The following MAGIX variants were observed in gnomAD, a reference collection of about 807,000 sequenced individuals.
MAGIX encodes the protein PDZ domain-containing protein MAGIX.
Under a neutral mutation model 10.0 loss-of-function variants are expected in MAGIX, and 13 were observed. That is an observed-to-expected ratio of 1.30 (90% CI 0.84 to 2.06). The LOEUF is 2.06. MAGIX is among the 30% of genes most tolerant of loss of function. The pLI is 0.00. For missense variants in MAGIX, 235 were observed against 245.2 expected (o/e 0.96, Z 0.28); for synonymous variants, 108 against 106.8 (o/e 1.01, Z -0.07).
chrX:49,163,870 T>C, exon 2 of MAGIX: 1 of 1,039,192 alleles, frequency 9.6e-7, no homozygotes, highest in Non-Finnish European at 1.2e-6. Flanking sequence ...CGAGCTGCGG[T>C]CGACGTGGCA....
exon 3 of MAGIX, chrX:49,165,057 G>T (rs2065356708): frequency 2.5e-6 from 3 of 1,209,236 alleles, no homozygotes; most frequent in Middle Eastern, 2.3e-4. Context: ...GGCTGCTGAA[G>T]GATGGCCCAG....
Position 49,164,715 on chromosome X carries a change from G to A in MAGIX, c.-46G>A, listed in dbSNP as rs367998662. ...CTGCTTTTATCTCCCAGCTGTTAGC[G>A]TGCTGGACTCTGCGGACATAGAGGT... On this transcript the variant is annotated 5_prime_UTR_variant, in exon 3 of 5. Transcript: ENST00000616266. 70 of 1,208,430 alleles carry A rather than the reference G, an allele frequency of 5.8e-5. No homozygotes were observed. In the Admixed American group the frequency reaches 6.8e-4, roughly 12 times the overall value.
chrX:49,164,897 A>T (rs781909067), exon 3 of MAGIX: 1 of 1,211,710 alleles, frequency 8.3e-7, no homozygotes. Context: ...GCACCTCCCC[A>T]ATTGATCCAG....
At chrX:49,165,630 G>A (rs1230663382) in intron 4 of MAGIX, 2 of 356,425 alleles carry the variant, frequency 5.6e-6, no homozygotes, top group South Asian at 1.3e-4. Context: ...AAGGGAAGGG[G>A]TCTAGGATAA....
chrX:49,166,532 T>G (rs1480983012), exon 5 of MAGIX: 11 of 511,182 alleles, frequency 2.2e-5, no homozygotes, highest in Non-Finnish European at 3.4e-5. Flanking sequence ...TCAGTGGCTC[T>G]GACCACACTC....
exon 4 of MAGIX, chrX:49,165,358 G>A: frequency 8.6e-7 from 1 of 1,159,716 alleles, no homozygotes; most frequent in Non-Finnish European, 1.2e-6. Context: ...CCGAAAAGGA[G>A]TTGGTGGGTT....
chrX:49,163,739 C>T (rs1269939777), intron 1 of MAGIX, 44 bp from the exon 2 acceptor site: 2 of 997,569 alleles, frequency 2.0e-6, no homozygotes, highest in Non-Finnish European at 1.3e-6. Context: ...TAGGGGTTGG[C>T]CGAGGCCGAG....
chrX:49,168,035 T>G (rs1425455586), exon 5 of MAGIX: 1 of 111,738 alleles, frequency 8.9e-6, no homozygotes, highest in African/African-American at 3.3e-5. Flanking sequence ...TGACAAGTAT[T>G]AATTGAACCC....
downstream of MAGIX, among the ~76,000 whole-genome samples, chrX:49,168,774 CAAAAAAAAAAAAAAA>C (rs35343968): frequency 5.9e-5 from 1 of 16,897 alleles, no homozygotes; most frequent in African/African-American, 2.3e-4. Context: ...GACCTTATCT[CAAAAAAAAAAAAAAA>C]AAAAAAAAAA....
At position 49,163,778 on chromosome X, in the gene MAGIX, C is replaced by A. The variant is rs1752183877; in HGVS notation, c.-201-5C>A. The A allele has an allele frequency of 6.7e-6, 7 of 1,044,744 alleles. No individual in the cohort carries two copies. Among genetic ancestry groups the A allele is most frequent in the Non-Finnish European group, 7.3e-6 (6 of 818,554 alleles). 86.1% of individuals were successfully genotyped at this position (1,044,744 alleles called of 1,213,427 possible). On this transcript the variant is annotated splice_polypyrimidine_tract_variant and splice_region_variant and intron_variant, in intron 1 of 4. Coordinates refer to ENST00000616266, the Ensembl canonical transcript of MAGIX. ...CGGCGTTGACCTGTCCCCTCTTGCG[C>A]GCAGGCCGCGGCCCCTCCCCGCTCG...
chrX:49,166,524 A>T, exon 5 of MAGIX: 1 of 558,439 alleles, frequency 1.8e-6, no homozygotes, highest in Non-Finnish European at 2.8e-6. Flanking sequence ...CCCGCTGCTC[A>T]GTGGCTCTGA....
exon 5 of MAGIX, chrX:49,168,299 T>C (rs2065379081): frequency 9.3e-6 from 1 of 108,108 alleles, no homozygotes; most frequent in Non-Finnish European, 1.9e-5. Context: ...TGAAACCCCG[T>C]CTCTACTGAA....
chrX:49,164,485 G>T (rs2065352316), intron 2 of MAGIX: 4 of 478,841 alleles, frequency 8.4e-6, no homozygotes, highest in Non-Finnish European at 1.1e-5. Flanking sequence ...GCTGAGCCCA[G>T]GATTGTTTAT....
rs781894757 is a variant in MAGIX at position 49,164,643 on chromosome X, C to A, written c.-54-64C>A. Reference sequence around the variant, plus strand: ...GAGGCTAGAATGTTAACTCAGGGAACAGGTCCTAGGTAGTTTCCATGGCAT... The same window carrying A: ...GAGGCTAGAATGTTAACTCAGGGAAAAGGTCCTAGGTAGTTTCCATGGCAT... On this transcript the variant is annotated intron_variant, in intron 2 of 4. Coordinates refer to ENST00000616266, the Ensembl canonical transcript of MAGIX. The A allele has an allele frequency of 9.1e-6, 9 of 986,011 alleles. No homozygotes were observed. In the Admixed American group the frequency reaches 1.1e-4, roughly 12 times the overall value. 81.3% of individuals were successfully genotyped at this position (986,011 alleles called of 1,213,427 possible). A position where few individuals can be genotyped will look rare whatever the true frequency, so the allele number is the denominator to read the frequency against.
intron 4 of MAGIX, 66 bp from the exon 6 acceptor site, chrX:49,166,008 C>G: frequency 9.2e-7 from 1 of 1,083,679 alleles, no homozygotes; most frequent in Non-Finnish European, 1.3e-6. Flanking sequence ...TTTGGGTTCT[C>G]CTGTCCATCC....
chrX:49,165,606 T>G, intron 4 of MAGIX: 1 of 365,344 alleles, frequency 2.7e-6, no homozygotes, highest in African/African-American at 2.6e-5. Context: ...GTTTTCCAGG[T>G]ACTGGGGGAA....
At chrX:49,165,336 G>A in exon 4 of MAGIX, 1 of 1,173,111 alleles carries the variant, frequency 8.5e-7, no homozygotes, top group Non-Finnish European at 1.1e-6. Flanking sequence ...AGCCTCGAGG[G>A]GTGGGAGAGC....
intron 4 of MAGIX, 23 bp from the exon 6 acceptor site, chrX:49,166,051 T>C: frequency 8.4e-7 from 1 of 1,197,198 alleles, no homozygotes; most frequent in Non-Finnish European, 1.1e-6. Flanking sequence ...CTTCCCTACT[T>C]CACCACCCAA....
chrX:49,163,600 G>C (rs12847541), intron 1 of MAGIX, 183 bp from the exon 2 acceptor site: 12 of 344,295 alleles, frequency 3.5e-5, no homozygotes, highest in African/African-American at 5.5e-5. Flanking sequence ...GGGGTGCACC[G>C]GCTACCCGCG....
Sources: allele counts gnomAD v4.1 joint callset (sites outside exome capture counted in the v4.1 genomes callset), GRCh38; gene constraint gnomAD v4.1.1; transcripts MANE v1.5; gene names NCBI Gene and HGNC (gene_info 2026-07-23, HGNC 2026-07-21).